The following ADAMTS16 variants were observed in gnomAD, a reference collection of about 807,000 sequenced individuals.
ADAMTS16 encodes the protein ADAM metallopeptidase with thrombospondin type 1 motif 16, also known as A disintegrin and metalloproteinase with thrombospondin motifs 16.
A neutral mutation model predicts 145.8 loss-of-function variants in ADAMTS16; 94 were observed. The observed-to-expected ratio is 0.64, with a 90% CI of 0.55 to 0.77. The LOEUF is 0.77. Ranked by LOEUF, ADAMTS16 falls within the 30% of genes least tolerant of loss-of-function variation. The pLI, the probability that ADAMTS16 is intolerant of heterozygous loss-of-function variation, is 0.00. For synonymous variants in ADAMTS16, 659 were observed against 604.3 expected (o/e 1.09, Z -1.33); for missense variants, 1,585 against 1,591.5 (o/e 1.00, Z 0.07).
chr5:5,290,082 A>G (rs4076657), intron 18 of ADAMTS16, among the ~76,000 whole-genome samples: 77,393 of 152,146 alleles, frequency 0.51, 21,345 homozygotes, highest in East Asian at 0.79. Flanking sequence ...TAGTACATTT[A>G]TCTTCTCAGC....
chr5:5,238,300 C>T (rs1229869524), intron 14 of ADAMTS16, among the ~76,000 whole-genome samples: 6 of 152,166 alleles, frequency 3.9e-5, no homozygotes, highest in African/African-American at 1.4e-4. Flanking sequence ...GCAAAGCCTG[C>T]CCTGAACTGA....
chr5:5,155,575 C>A (rs2126518320), intron 3 of ADAMTS16, among the ~76,000 whole-genome samples: 1 of 152,294 alleles, frequency 6.6e-6, no homozygotes, highest in East Asian at 1.9e-4. Context: ...AAAATTCAGA[C>A]GTTTGGAGCT....
chr5:5,190,305 G>C lies in ADAMTS16; in HGVS notation c.1207+175G>C, dbSNP rs188685144. On this transcript the variant is annotated intron_variant, in intron 7 of 22. Transcript: ENST00000274181. ...TTTAGCCAAACATAGAAGTACGCTT[G>C]CATTCATCAAGAGTGATTATTGAAC... Among the ~76,000 whole-genome samples the C allele has an allele frequency of 1.5e-4, 23 of 152,300 alleles. No individual in the cohort carries two copies. In the East Asian group the frequency reaches 3.3e-3, roughly 22 times the overall value.
chr5:5,307,032 T>C (rs1740198907), intron 21 of ADAMTS16, among the ~76,000 whole-genome samples: 1 of 152,140 alleles, frequency 6.6e-6, no homozygotes. Flanking sequence ...TCCCCAGAGA[T>C]GAGTGTGAAC....
chr5:5,155,123 A>G (rs570211804), intron 3 of ADAMTS16, among the ~76,000 whole-genome samples: 1 of 152,328 alleles, frequency 6.6e-6, no homozygotes, highest in Admixed American at 6.5e-5. Context: ...GAGCAGCCTG[A>G]TTGTATCTGC....
Position 5,242,075 on chromosome 5 carries a change from C to A in ADAMTS16, c.2546C>A (p.Pro849Gln), listed in dbSNP as rs755952454. The A allele has an allele frequency of 6.2e-7, 1 of 1,614,094 alleles. No homozygotes were observed. The highest frequency in any genetic ancestry group is 8.5e-7 in the Non-Finnish European group (1 of 1,179,998). ...TAGCTGCTGTTTCAGGGAAGGAACC[C>A]GGGTGTTGCCTGGGAATACTCCATG... Reference protein sequence around the residue: ...IVELLFQGRNPGVAWEYSMPR... With the variant: ...IVELLFQGRNQGVAWEYSMPR... Residue 849 changes from proline (P) to glutamine (Q), a missense_variant, in exon 17 of 23, where the codon CCG (proline) becomes CAG (glutamine). Physicochemically the swap from Pro to Gln is moderately conservative, Grantham distance 76. Transcript: ENST00000274181.
chr5:5,242,356 C>T (rs923569764), intron 17 of ADAMTS16, among the ~76,000 whole-genome samples, 165 bp downstream of exon 17: 6 of 152,188 alleles, frequency 3.9e-5, no homozygotes, highest in African/African-American at 1.2e-4. Context: ...TGTCACTTGT[C>T]GGCCCGAGCT....
chr5:5,167,819 A>G (rs750772859), intron 3 of ADAMTS16, among the ~76,000 whole-genome samples: 11 of 152,250 alleles, frequency 7.2e-5, no homozygotes, highest in Non-Finnish European at 1.2e-4. Flanking sequence ...CACATGTGGC[A>G]ATTGAGGAGT....
intron 3 of ADAMTS16, among the ~76,000 whole-genome samples, chr5:5,152,389 G>T (rs1220315147): frequency 6.6e-6 from 1 of 152,202 alleles, no homozygotes; most frequent in African/African-American, 2.4e-5. Flanking sequence ...AGGTATTCAG[G>T]GTTTCATTGC....
chr5:5,148,661 A>G (rs1734365972), intron 3 of ADAMTS16, among the ~76,000 whole-genome samples: 1 of 152,244 alleles, frequency 6.6e-6, no homozygotes, highest in Non-Finnish European at 1.5e-5. Context: ...TGTCCTATTT[A>G]TAGTAAACAA....
At chr5:5,202,967 T>C (rs1217716612) in intron 9 of ADAMTS16, among the ~76,000 whole-genome samples, 1 of 152,154 alleles carries the variant, frequency 6.6e-6, no homozygotes, top group African/African-American at 2.4e-5. Context: ...CTAAGAATGA[T>C]TATTAAGGTA....
intron 9 of ADAMTS16, among the ~76,000 whole-genome samples, chr5:5,207,848 A>ACAGACCTTG (rs1736170878): frequency 6.6e-6 from 1 of 152,014 alleles, no homozygotes; most frequent in Non-Finnish European, 1.5e-5. Flanking sequence ...AGAATATTGA[A>ACAGACCTTG]CAGACCTTGC....
chr5:5,293,303 G>A (rs971434218), intron 18 of ADAMTS16, among the ~76,000 whole-genome samples: 2 of 152,114 alleles, frequency 1.3e-5, no homozygotes, highest in African/African-American at 4.8e-5. Context: ...TTCCTTTCTC[G>A]GTTCCCTCAT....
At position 5,190,174 on chromosome 5, in the gene ADAMTS16, C is replaced by T. The variant is rs1311570779; in HGVS notation, c.1207+44C>T. ...GTGTGAGGACCGTGTGTGGAATGTG[C>T]ACCCCTGGCCGTGACACAGTGTTGA... On this transcript the variant is annotated intron_variant, in intron 7 of 22. Transcript: ENST00000274181. The T allele has an allele frequency of 4.6e-6, 7 of 1,510,998 alleles. No individual in the cohort carries two copies. The South Asian group carries it at 8.4e-5, about 18-fold the overall frequency. 93.6% of individuals were successfully genotyped at this position (1,510,998 alleles called of 1,614,324 possible).
At chr5:5,244,077 C>G (rs759258362) in intron 17 of ADAMTS16, among the ~76,000 whole-genome samples, 2 of 152,210 alleles carry the variant, frequency 1.3e-5, no homozygotes, top group African/African-American at 2.4e-5. Context: ...TTCCCACATT[C>G]TGTAGGATAA....
At chr5:5,211,416 C>T (rs1024545137) in intron 10 of ADAMTS16, among the ~76,000 whole-genome samples, 1 of 152,130 alleles carries the variant, frequency 6.6e-6, no homozygotes, top group Non-Finnish European at 1.5e-5. Flanking sequence ...TTTCATTCCT[C>T]ATAATGATAA....
At chr5:5,307,064 G>A (rs571106316) in intron 21 of ADAMTS16, among the ~76,000 whole-genome samples, 7 of 152,312 alleles carry the variant, frequency 4.6e-5, no homozygotes, top group Middle Eastern at 3.4e-3. Flanking sequence ...GCGAGCCCTG[G>A]GATAAATAGG....
At chr5:5,192,253 C>T (rs1255585383) in intron 8 of ADAMTS16, among the ~76,000 whole-genome samples, 1 of 152,158 alleles carries the variant, frequency 6.6e-6, no homozygotes, top group African/African-American at 2.4e-5. Context: ...GGGTCTTTCT[C>T]CAACACTCCT....
intron 18 of ADAMTS16, among the ~76,000 whole-genome samples, chr5:5,279,182 T>G (rs995969437): frequency 1.3e-5 from 2 of 152,236 alleles, no homozygotes; most frequent in Non-Finnish European, 2.9e-5. Context: ...GTCTCTGCCA[T>G]GCTGAACACC....
Sources: allele counts gnomAD v4.1 joint callset (sites outside exome capture counted in the v4.1 genomes callset), GRCh38; gene constraint gnomAD v4.1.1; transcripts MANE v1.5; gene names NCBI Gene and HGNC (gene_info 2026-07-23, HGNC 2026-07-21).